Variants in SIKE1 observed in about 807,000 individuals in gnomAD.
The protein encoded by SIKE1 is suppressor of IKBKE 1.
A neutral mutation model predicts 25.8 loss-of-function variants in SIKE1; 13 were observed. The observed-to-expected ratio is 0.50, with a 90% CI of 0.33 to 0.80. The LOEUF is 0.80. SIKE1 is among the 30% of genes least tolerant of loss of function. The pLI, the probability that SIKE1 is intolerant of heterozygous loss-of-function variation, is 0.02. For synonymous variants in SIKE1, 86 were observed against 95.5 expected, an observed-to-expected ratio of 0.90 and a Z score of 0.58; for missense variants, 222 against 252.4, an observed-to-expected ratio of 0.88 and a Z score of 0.82.
rs1158187732 is a variant in SIKE1 at position 114,771,753 on chromosome 1, C to T, written c.*2518G>A. On this transcript the variant is annotated 3_prime_UTR_variant, in exon 5 of 5. Transcript: ENST00000060969. The stretch of plus-strand genomic sequence containing the variant: ...ATAATTTTATATATATACTTGTCTC[C>T]TGTACCAGACTTTTTCATTTTTAAA... The T allele has an allele frequency of 6.6e-6, 1 of 152,138 alleles. No individual in the cohort carries two copies. Among genetic ancestry groups the T allele is most frequent in the African/African-American group, 2.4e-5 (1 of 41,432 alleles). The allele number at this position is 152,138 out of a possible 1,614,324, so 9.4% of individuals were successfully genotyped here.
rs1454844439 is a variant in SIKE1, at chr1:114,779,289, C to CA, written c.266-6dup. 1.2e-6 allele frequency: 2 copies of CA among 1,608,478 alleles called. No individual in the cohort carries two copies. Among genetic ancestry groups the CA allele is most frequent in the Non-Finnish European group, 1.7e-6 (2 of 1,179,210 alleles). ...CCTCCAAGGAAATCCATAGCTCTGT[C>CA]AAAAAATAAAAGAACTTGGCAGTGA... On this transcript the variant is annotated splice_region_variant and splice_polypyrimidine_tract_variant and intron_variant, in intron 2 of 4. Coordinates refer to ENST00000060969, the MANE Select transcript of SIKE1 (RefSeq NM_025073.3).
At position 114,769,742 on chromosome 1, in the gene SIKE1, G is replaced by A. The variant is rs559332233; in HGVS notation, c.*4529C>T. ...ATGTATTTTAGGTCTTTCTACATTC[G>A]AACAAATCTATTAAAAAGAGAGCGG... is the stretch of plus-strand genomic sequence containing the variant. On this transcript the variant is annotated 3_prime_UTR_variant, in exon 5 of 5. Coordinates refer to ENST00000060969, the MANE Select transcript of SIKE1 (RefSeq NM_025073.3). 2 of 152,052 alleles carry A rather than the reference G, an allele frequency of 1.3e-5. No individual in the cohort carries two copies. The highest frequency in any genetic ancestry group is 1.9e-4 in the East Asian group (1 of 5,172). The allele number at this position is 152,052 out of a possible 1,614,324, so 9.4% of individuals were successfully genotyped here. A position where few individuals can be genotyped will look rare whatever the true frequency, so the allele number is the denominator to read the frequency against.
In SIKE1 at chr1:114,770,714, G is replaced by A. The variant is rs542758490; in HGVS notation, c.*3557C>T. 3 of 152,322 alleles carry A rather than the reference G, an allele frequency of 2.0e-5. No homozygotes were observed. Among genetic ancestry groups the A allele is most frequent in the African/African-American group, 7.2e-5 (3 of 41,562 alleles). The allele number at this position is 152,322 out of a possible 1,614,324, so 9.4% of individuals were successfully genotyped here. The stretch of plus-strand genomic sequence containing the variant: ...GCCAAAAGAGAAATGACAGATGTCT[G>A]CTACAGCCCATTCTCTTGGCCATTC... On this transcript the variant is annotated 3_prime_UTR_variant, in exon 5 of 5. Transcript: ENST00000060969.
intron 4 of SIKE1, among the ~76,000 whole-genome samples, chr1:114,775,025 G>C (rs1041547126): frequency 6.6e-6 from 1 of 152,138 alleles, no homozygotes; most frequent in Non-Finnish European, 1.5e-5. Context: ...TTTTCTACTT[G>C]AAGTATTAAG....
At position 114,770,085 on chromosome 1, in the gene SIKE1, G is replaced by A. The variant is rs961963755; in HGVS notation, c.*4186C>T. On this transcript the variant is annotated 3_prime_UTR_variant, in exon 5 of 5. Transcript: ENST00000060969. ...TTAAAAGTAATTCTCAGGATCTCTAGGACAGCCAGCAAACAAGAATTAGAG... is the reference window on the plus strand; with the variant it reads ...TTAAAAGTAATTCTCAGGATCTCTAAGACAGCCAGCAAACAAGAATTAGAG... 4 of 152,180 alleles carry A rather than the reference G, an allele frequency of 2.6e-5. No individual in the cohort carries two copies. The highest frequency in any genetic ancestry group is 5.9e-5 in the Non-Finnish European group (4 of 68,032). The allele number at this position is 152,180 out of a possible 1,614,324, so 9.4% of individuals were successfully genotyped here.
Position 114,774,144 on chromosome 1 carries a change from G to T in SIKE1, c.*127C>A. The T allele has an allele frequency of 1.6e-6, 1 of 619,878 alleles. No individual in the cohort carries two copies. 38.4% of individuals were successfully genotyped at this position (619,878 alleles called of 1,614,324 possible). ...CCAATATTGACTGGAATTCTAAATT[G>T]CCACCTGATACCTTTAATTAAGATT... On this transcript the variant is annotated 3_prime_UTR_variant, in exon 5 of 5. Transcript: ENST00000060969.
rs1280283925 is a variant in SIKE1, at chr1:114,779,230, T to C, written c.320A>G (p.Lys107Arg). 6.2e-7 allele frequency: 1 copy of C among 1,614,108 alleles called. No homozygotes were observed. Among genetic ancestry groups the C allele is most frequent in the East Asian group, 2.2e-5 (1 of 44,900 alleles). ...HQDALELIMS[K>R]YRKQMLQLMV... Reference sequence around the variant, plus strand: ...TAACTGTAACATCTGTTTCCGATATTTGCTCATGATAAGTTCCAAAGCATC... The same window carrying C: ...TAACTGTAACATCTGTTTCCGATATCTGCTCATGATAAGTTCCAAAGCATC... Residue 107 changes from lysine (K) to arginine (R), a missense_variant, in exon 3 of 5, where the codon AAA becomes AGA. Lys to Arg is a conservative substitution (Grantham distance 26, BLOSUM62 2). Coordinates refer to ENST00000060969, the MANE Select transcript of SIKE1 (RefSeq NM_025073.3).
At chr1:114,775,293 C>T (rs1041830147) in intron 4 of SIKE1, among the ~76,000 whole-genome samples, 4 of 152,066 alleles carry the variant, frequency 2.6e-5, no homozygotes, top group East Asian at 1.9e-4. Context: ...AGCCTGTGGT[C>T]GACGAATCTT....
chr1:114,780,430 C>A lies in SIKE1; in HGVS notation c.159+19G>T. On this transcript the variant is annotated intron_variant, in intron 1 of 4. Transcript: ENST00000060969. ...GTGCCCAGAATCCGAGAGCACTGGA[C>A]TCCTACCCTCTGCCTGACCTGGTCC... 1 of 1,612,854 alleles carries A rather than the reference C, an allele frequency of 6.2e-7. No individual in the cohort carries two copies. The highest frequency in any genetic ancestry group is 8.5e-7 in the Non-Finnish European group (1 of 1,180,032).
At chr1:114,775,502 G>A (rs1376306877) in intron 4 of SIKE1, among the ~76,000 whole-genome samples, 1 of 130,734 alleles carries the variant, frequency 7.6e-6, no homozygotes, top group African/African-American at 3.3e-5. Flanking sequence ...GAAATGCTTT[G>A]CTTTTTTTTT....
At chr1:114,779,041 G>C in intron 3 of SIKE1, 101 bp downstream of exon 3, 2 of 1,419,700 alleles carry the variant, frequency 1.4e-6, no homozygotes, top group Admixed American at 1.8e-5. Flanking sequence ...TGGTCGACAA[G>C]AGCCAGACCC....
rs1662106746 is a variant in SIKE1 at position 114,772,915 on chromosome 1, T to G, written c.*1356A>C. ...TGGGATCAGATGCTTTTAGGACATC[T>G]TTAAAATATTTTGTTATTTTAACTG... On this transcript the variant is annotated 3_prime_UTR_variant, in exon 5 of 5. Coordinates refer to ENST00000060969, the MANE Select transcript of SIKE1 (RefSeq NM_025073.3). 1 of 152,222 alleles carries G rather than the reference T, an allele frequency of 6.6e-6. No homozygotes were observed. The highest frequency in any genetic ancestry group is 2.1e-4 in the South Asian group (1 of 4,832). 9.4% of individuals were successfully genotyped at this position (152,222 alleles called of 1,614,324 possible).
At position 114,776,352 on chromosome 1, in the gene SIKE1, T is replaced by C. The variant is rs1222665725; in HGVS notation, c.516A>G (p.Gln172=). The stretch of plus-strand genomic sequence containing the variant: ...AAATTAGCTACAATCTTACCTCTAA[T>C]TGGGCTAATTTTTCCTGAATCTTAC... ...QFCKIQEKLA[Q]LELENKELRE... The change falls in exon 4 of 5, where the codon CAA becomes CAG. Residue 172 remains glutamine, a synonymous_variant. Coordinates refer to ENST00000060969, the MANE Select transcript of SIKE1 (RefSeq NM_025073.3). 6.7e-5 allele frequency: 107 copies of C among 1,601,954 alleles called. No individual in the cohort carries two copies. Among genetic ancestry groups the C allele is most frequent in the Non-Finnish European group, 8.6e-5 (101 of 1,169,290 alleles).
chr1:114,780,250 A>G (rs1662364343), intron 1 of SIKE1, 35 bp from the exon 2 acceptor site: 1 of 1,576,426 alleles, frequency 6.3e-7, no homozygotes, highest in Non-Finnish European at 8.7e-7. Context: ...CATGCCTTAA[A>G]GAGAACAGCG....
Position 114,774,318 on chromosome 1 carries a change from C to A in SIKE1, c.577G>T (p.Ala193Ser). Residue 193 changes from alanine to serine, a missense_variant, in exon 5 of 5, where the codon GCC becomes TCC. Transcript: ENST00000060969. ...LLSISSESLQ[A>S]RKENSMDTAS... ...GTGTCCATTGAGTTTTCCTTTCTGG[C>A]TTGAAGAGACTCACTGCTGATGGAC... 1 of 1,612,430 alleles carries A rather than the reference C, an allele frequency of 6.2e-7. No individual in the cohort carries two copies. Among genetic ancestry groups the A allele is most frequent in the Non-Finnish European group, 8.5e-7 (1 of 1,178,896 alleles).
rs1250079875 is a variant in SIKE1, at chr1:114,772,245, T to C, written c.*2026A>G. 6.6e-6 allele frequency: 1 copy of C among 152,190 alleles called. No homozygotes were observed. Among genetic ancestry groups the C allele is most frequent in the African/African-American group, 2.4e-5 (1 of 41,456 alleles). 9.4% of individuals were successfully genotyped at this position (152,190 alleles called of 1,614,324 possible). On this transcript the variant is annotated 3_prime_UTR_variant, in exon 5 of 5. Coordinates refer to ENST00000060969, the MANE Select transcript of SIKE1 (RefSeq NM_025073.3). Reference sequence around the variant, plus strand: ...GTAAAATTAGCTTATCTTCTCAAAATGCAGTTTTTGTTAGAAAATATAATT... The same window carrying C: ...GTAAAATTAGCTTATCTTCTCAAAACGCAGTTTTTGTTAGAAAATATAATT...
In SIKE1 at chr1:114,779,217, C is replaced by T. The variant is rs1320781356; in HGVS notation, c.333G>A (p.Gln111=). Residue 111 remains glutamine, a synonymous_variant, in exon 3 of 5, where the codon CAG becomes CAA. Coordinates refer to ENST00000060969, the MANE Select transcript of SIKE1 (RefSeq NM_025073.3). ...TTTTAGCAACCATTAACTGTAACAT[C>T]TGTTTCCGATATTTGCTCATGATAA... ...LELIMSKYRK[Q]MLQLMVAKKA... 1 of 1,614,238 alleles carries T rather than the reference C, an allele frequency of 6.2e-7. No homozygotes were observed. Among genetic ancestry groups the T allele is most frequent in the South Asian group, 1.1e-5 (1 of 91,086 alleles).
rs959753527 is a variant in SIKE1, at chr1:114,771,597, C to T, written c.*2674G>A. On this transcript the variant is annotated 3_prime_UTR_variant, in exon 5 of 5. Coordinates refer to ENST00000060969, the MANE Select transcript of SIKE1 (RefSeq NM_025073.3). ...GGTAGCTATTATTGGCAATACCATA[C>T]ATACTTTGCTTTTGTGGCACCAAAG... The T allele has an allele frequency of 6.6e-6, 1 of 152,182 alleles. No homozygotes were observed. Among genetic ancestry groups the T allele is most frequent in the Non-Finnish European group, 1.5e-5 (1 of 68,030 alleles). 9.4% of individuals were successfully genotyped at this position (152,182 alleles called of 1,614,324 possible).
intron 2 of SIKE1, 147 bp downstream of exon 2, chr1:114,779,963 T>C (rs1662354464): frequency 1.6e-6 from 1 of 613,792 alleles, no homozygotes; most frequent in African/African-American, 1.8e-5. Flanking sequence ...AAGGGTAATC[T>C]AACAAACTTT....
Sources: allele counts gnomAD v4.1 joint callset (sites outside exome capture counted in the v4.1 genomes callset), GRCh38; gene constraint gnomAD v4.1.1; transcripts MANE v1.5; gene names NCBI Gene and HGNC (gene_info 2026-07-23, HGNC 2026-07-21).